The following FYB2 variants were observed in gnomAD, a reference collection of about 807,000 sequenced individuals.
The protein encoded by FYB2 is FYN binding protein 2.
Under a neutral mutation model 94.1 loss-of-function variants are expected in FYB2, and 103 were observed. The observed-to-expected ratio is 1.09, with a 90% CI of 0.93 to 1.29. FYB2 has a LOEUF of 1.29. Ranked by LOEUF, FYB2 falls within the 50% of genes most tolerant of loss-of-function variation. The pLI, the probability that FYB2 is intolerant of heterozygous loss-of-function variation, is 0.00. For synonymous variants in FYB2, 293 were observed against 287.9 expected, an observed-to-expected ratio of 1.02 and a Z score of -0.18; for missense variants, 896 against 841.5, an observed-to-expected ratio of 1.06 and a Z score of -0.80.
chr1:56,756,014 C>A, intron 6 of FYB2, 87 bp from the exon 7 acceptor site: 3 of 1,319,306 alleles, frequency 2.3e-6, no homozygotes, highest in South Asian at 1.3e-5. Context: ...GAGACTACAC[C>A]AAAAGGTGAG....
At chr1:56,811,772 C>A (rs530873845) in intron 1 of FYB2, among the ~76,000 whole-genome samples, 52 of 152,206 alleles carry the variant, frequency 3.4e-4, no homozygotes, top group Non-Finnish European at 5.9e-4. Flanking sequence ...AACAAACAAA[C>A]AAACAAACAA....
chr1:56,821,159 C>G (rs1425625210), upstream of FYB2, among the ~76,000 whole-genome samples: 1 of 152,206 alleles, frequency 6.6e-6, no homozygotes, highest in Non-Finnish European at 1.5e-5. Context: ...GGAGCCCTCC[C>G]CGCAGTCCCA....
At position 56,767,899 on chromosome 1, in the gene FYB2, CT is replaced by C. The variant is rs778923951; in HGVS notation, c.992del (p.Glu331GlyfsTer7). On this transcript the variant is annotated frameshift_variant, in exon 5 of 20. Coordinates refer to ENST00000343433, the MANE Select transcript of FYB2 (RefSeq NM_001004303.5). LOFTEE classifies it high-confidence loss of function. Reference protein sequence around the residue: ...NAEFEEPHNYEATISYLRHSG... With the variant: ...NAEFEEPHNYXATISYLRHSG... ...AGTGTCTCAGATATGAAATTGTTGC[CT>C]CGTAATTATGTGGTTCTTCAAATTC... 6.2e-6 allele frequency: 10 copies of C among 1,611,398 alleles called. No individual in the cohort carries two copies. In the East Asian group the frequency reaches 8.9e-5, roughly 14 times the overall value.
chr1:56,749,092 G>T (rs1645136482), intron 9 of FYB2, among the ~76,000 whole-genome samples: 2 of 148,546 alleles, frequency 1.3e-5, no homozygotes. Flanking sequence ...TTTCCCCTTT[G>T]TCTGTTTTTA....
At chr1:56,761,264 A>G (rs1049274632) in intron 5 of FYB2, among the ~76,000 whole-genome samples, 9 of 152,240 alleles carry the variant, frequency 5.9e-5, no homozygotes, top group African/African-American at 1.9e-4. Context: ...ATACTTATAG[A>G]TAGCAGGCAC....
intron 5 of FYB2, among the ~76,000 whole-genome samples, chr1:56,763,274 A>G (rs1397585938): frequency 1.3e-5 from 2 of 152,166 alleles, no homozygotes. Context: ...TGGTAATACT[A>G]GCTTTAAAAA....
chr1:56,724,355 C>T (rs1644545497), intron 16 of FYB2, among the ~76,000 whole-genome samples: 2 of 152,028 alleles, frequency 1.3e-5, no homozygotes, highest in South Asian at 4.1e-4. Flanking sequence ...CTTAGTCCTC[C>T]CTCTTGCTCT....
chr1:56,816,304 G>T (rs1178694020), intron 1 of FYB2, among the ~76,000 whole-genome samples: 1 of 152,174 alleles, frequency 6.6e-6, no homozygotes, highest in East Asian at 1.9e-4. Flanking sequence ...TGCAGGAATG[G>T]CTAGAAGGCT....
upstream of FYB2, chr1:56,824,016 C>A (rs1321919279): frequency 6.6e-6 from 1 of 152,200 alleles, no homozygotes; most frequent in African/African-American, 2.4e-5. Context: ...ACCCCCGTCT[C>A]TCTTTGGGTT....
intron 2 of FYB2, among the ~76,000 whole-genome samples, chr1:56,791,124 G>T (rs1004295462): frequency 9.2e-5 from 14 of 152,068 alleles, no homozygotes; most frequent in Non-Finnish European, 2.9e-5. Flanking sequence ...ACCATACAAG[G>T]TTGTAAGGAG....
chr1:56,732,543 C>T lies in FYB2; in HGVS notation c.1793+4544G>A, dbSNP rs553267827. Among the ~76,000 whole-genome samples, 30 of 152,188 alleles carry T rather than the reference C, an allele frequency of 2.0e-4. 1 individual carries two copies. In the South Asian group the frequency reaches 6.2e-3, roughly 32 times the overall value. On this transcript the variant is annotated intron_variant, in intron 15 of 19. Coordinates refer to ENST00000343433, the MANE Select transcript of FYB2 (RefSeq NM_001004303.5). ...GCTGAAGCAATTCTGAGCAAAAGAA[C>T]AAATCTGTATAAAGCACAGTACCAG...
upstream of FYB2, chr1:56,819,467 G>C (rs1325054495): frequency 2.2e-6 from 2 of 894,552 alleles, no homozygotes; most frequent in Non-Finnish European, 3.4e-6. Flanking sequence ...TCCCTTGCCT[G>C]GGGCTGGGCC....
At chr1:56,787,279 T>G in intron 3 of FYB2, 71 bp from the exon 4 acceptor site, 1 of 1,546,582 alleles carries the variant, frequency 6.5e-7, no homozygotes, top group Non-Finnish European at 8.9e-7. Context: ...GATGCTTGTG[T>G]GATGACTTGA....
At chr1:56,766,719 G>A (rs376695940) in intron 5 of FYB2, among the ~76,000 whole-genome samples, 1 of 152,192 alleles carries the variant, frequency 6.6e-6, no homozygotes. Context: ...TTACAGGCGT[G>A]AGCCACTGCG....
At chr1:56,726,672 C>A (rs1028815247) in intron 15 of FYB2, 89 bp from the exon 16 acceptor site, 3 of 1,089,978 alleles carry the variant, frequency 2.8e-6, no homozygotes, top group Admixed American at 2.6e-5. Flanking sequence ...TTATGTTTTA[C>A]AAAAAATTAA....
chr1:56,795,769 T>C (rs2100997607), intron 1 of FYB2, among the ~76,000 whole-genome samples: 1 of 152,298 alleles, frequency 6.6e-6, no homozygotes, highest in Non-Finnish European at 1.5e-5. Context: ...TACAATGTTG[T>C]TGCTTAGATT....
chr1:56,821,083 C>G (rs374900087), upstream of FYB2, among the ~76,000 whole-genome samples: 1 of 152,346 alleles, frequency 6.6e-6, no homozygotes, highest in East Asian at 1.9e-4. Context: ...CCTTAGCACT[C>G]TGGTTCATGC....
chr1:56,755,608 C>T (rs189369950), intron 7 of FYB2, among the ~76,000 whole-genome samples: 58 of 152,170 alleles, frequency 3.8e-4, no homozygotes, highest in Admixed American at 1.6e-3. Context: ...AAAGCAATAG[C>T]GAGGTCTCCA....
At chr1:56,804,100 A>G (rs911968881) in intron 1 of FYB2, among the ~76,000 whole-genome samples, 2 of 152,320 alleles carry the variant, frequency 1.3e-5, no homozygotes, top group African/African-American at 4.8e-5. Flanking sequence ...ATTTGAAAAC[A>G]TGTCTTACAG....
Sources: gnomAD v4.1 joint callset for allele counts (sites outside exome capture counted in the v4.1 genomes callset) on GRCh38, gnomAD v4.1.1 for gene constraint, MANE v1.5 for transcripts, NCBI Gene and HGNC (gene_info 2026-07-23, HGNC 2026-07-21) for gene names.